Variants in ADAMTSL1 observed in about 807,000 individuals in gnomAD.
ADAMTSL1 encodes ADAMTS like 1, also known as ADAMTS-like protein 1.
In ADAMTSL1, 126 loss-of-function variants were observed where a neutral mutation model predicts 201.8. The observed-to-expected ratio is 0.62, with a 90% CI of 0.54 to 0.72. The LOEUF (loss-of-function observed/expected upper bound fraction) is 0.72, where lower values mean the gene tolerates loss of function less well. ADAMTSL1 is among the 30% of genes least tolerant of loss of function. The pLI is 0.00. For synonymous variants in ADAMTSL1, 1,121 were observed against 903.4 expected (o/e 1.24, Z -4.32); for missense variants, 2,679 against 2,277.8 (o/e 1.18, Z -3.59).
intron 1 of ADAMTSL1, among the ~76,000 whole-genome samples, chr9:17,907,627 G>A (rs1414173809): frequency 6.6e-6 from 1 of 152,198 alleles, no homozygotes; most frequent in Non-Finnish European, 1.5e-5. Flanking sequence ...GGAAATTCAG[G>A]CCCTGAGGCG....
intron 19 of ADAMTSL1, among the ~76,000 whole-genome samples, chr9:18,789,598 A>G (rs1029287784): frequency 1.3e-5 from 2 of 152,226 alleles, no homozygotes; most frequent in Non-Finnish European, 2.9e-5. Context: ...TATGAATGAG[A>G]TAATAATTTA....
intron 1 of ADAMTSL1, among the ~76,000 whole-genome samples, chr9:17,930,885 G>A (rs556877381): frequency 1.3e-5 from 2 of 152,208 alleles, no homozygotes; most frequent in African/African-American, 2.4e-5. Flanking sequence ...CATAATATGC[G>A]CTGATTAGTA....
chr9:18,791,193 C>T (rs1362784405), intron 19 of ADAMTSL1, among the ~76,000 whole-genome samples: 1 of 152,158 alleles, frequency 6.6e-6, no homozygotes, highest in Admixed American at 6.5e-5. Context: ...AGCAAGCCTC[C>T]GTCTCTGCAG....
intron 14 of ADAMTSL1, among the ~76,000 whole-genome samples, chr9:18,707,622 G>A (rs997670417): frequency 3.9e-5 from 6 of 152,232 alleles, no homozygotes; most frequent in Admixed American, 1.3e-4. Flanking sequence ...AAAGTGATTT[G>A]TTCAAGATCA....
intron 2 of ADAMTSL1, among the ~76,000 whole-genome samples, chr9:18,347,904 G>T (rs1385328956): frequency 6.6e-6 from 1 of 152,132 alleles, no homozygotes; most frequent in Admixed American, 6.6e-5. Flanking sequence ...AGTGCCAAGG[G>T]CCTTGTGTTT....
chr9:18,276,112 A>C (rs1045830452), intron 2 of ADAMTSL1, among the ~76,000 whole-genome samples: 11 of 151,312 alleles, frequency 7.3e-5, no homozygotes, highest in Non-Finnish European at 1.5e-4. Context: ...CTGATACCCA[A>C]CTGTGCTTAT....
rs755623921 is a variant in ADAMTSL1 at position 18,639,327 on chromosome 9, C to A, written c.750C>A (p.Asp250Glu). 6.2e-7 allele frequency: 1 copy of A among 1,613,010 alleles called. No homozygotes were observed. Among genetic ancestry groups the A allele is most frequent in the South Asian group, 1.1e-5 (1 of 91,024 alleles). The change falls in exon 7 of 29, where the codon GAC becomes GAA. Residue 250 changes from aspartate to glutamate, a missense_variant. Physicochemically the swap from Asp to Glu is conservative, Grantham distance 45. Transcript: ENST00000380548. ...GCTCCACAGGAACTTTCCTTGTGGA[C>A]AATTCTAGTGTGGACTTCCAGAAAT... is the stretch of plus-strand genomic sequence containing the variant. ...SLSSTGTFLVDNSSVDFQKFP... is the reference protein window; with the variant it reads ...SLSSTGTFLVENSSVDFQKFP...
intron 2 of ADAMTSL1, among the ~76,000 whole-genome samples, chr9:18,217,404 T>G (rs1830093449): frequency 6.6e-6 from 1 of 152,084 alleles, no homozygotes; most frequent in African/African-American, 2.4e-5. Flanking sequence ...GCCAAAGAAG[T>G]AGCATTACCC....
intron 21 of ADAMTSL1, among the ~76,000 whole-genome samples, chr9:18,819,607 C>A (rs576133302): frequency 4.6e-5 from 7 of 152,186 alleles, no homozygotes; most frequent in African/African-American, 1.7e-4. Flanking sequence ...ATTGTGCCGC[C>A]TAGGGCCCTC....
intron 2 of ADAMTSL1, among the ~76,000 whole-genome samples, chr9:18,216,587 A>G (rs921057142): frequency 2.6e-5 from 4 of 151,842 alleles, no homozygotes; most frequent in African/African-American, 4.8e-5. Context: ...TGGAGCCAGC[A>G]TAAGCCAGCC....
At position 18,534,408 on chromosome 9, in the gene ADAMTSL1, A is replaced by C. The variant is rs1342602176; in HGVS notation, c.237+1116A>C. 2.6e-5 allele frequency among the ~76,000 whole-genome samples: 4 copies of C among 152,182 alleles called. No individual in the cohort carries two copies. In the East Asian group the frequency reaches 7.7e-4, roughly 29 times the overall value. On this transcript the variant is annotated intron_variant, in intron 3 of 28. Transcript: ENST00000380548. ...AAGGAGGAGAACTTAAACCCAGAGG[A>C]AATACTAAATAGACACAAGAGAGAT... is the stretch of plus-strand genomic sequence containing the variant.
At chr9:17,931,046 C>T (rs943152033) in intron 1 of ADAMTSL1, among the ~76,000 whole-genome samples, 1 of 152,088 alleles carries the variant, frequency 6.6e-6, no homozygotes. Flanking sequence ...CAAATAAAAA[C>T]CAGTTCTCCA....
chr9:18,862,422 A>G (rs547958349), intron 23 of ADAMTSL1, among the ~76,000 whole-genome samples: 4 of 152,268 alleles, frequency 2.6e-5, no homozygotes, highest in South Asian at 4.1e-4. Context: ...GAGAACAGCT[A>G]TATCACTCAA....
At chr9:18,229,614 CT>C (rs1291093347) in intron 2 of ADAMTSL1, among the ~76,000 whole-genome samples, 2 of 152,048 alleles carry the variant, frequency 1.3e-5, no homozygotes, top group Admixed American at 1.3e-4. Context: ...AAAAATTAGA[CT>C]TAAAAAAGCT....
chr9:17,960,429 A>C (rs1040281136), intron 1 of ADAMTSL1, among the ~76,000 whole-genome samples: 9 of 152,224 alleles, frequency 5.9e-5, no homozygotes, highest in Non-Finnish European at 1.0e-4. Flanking sequence ...TACAAGGAAT[A>C]ACTAGCATCT....
chr9:18,878,620 C>A (rs766727221), intron 23 of ADAMTSL1, among the ~76,000 whole-genome samples: 8 of 152,232 alleles, frequency 5.3e-5, no homozygotes, highest in Non-Finnish European at 1.2e-4. Flanking sequence ...ACACTTTGGG[C>A]ACTCCCAGTT....
intron 4 of ADAMTSL1, among the ~76,000 whole-genome samples, chr9:18,607,334 G>A (rs1825085005): frequency 6.6e-6 from 1 of 152,150 alleles, no homozygotes; most frequent in African/African-American, 2.4e-5. Flanking sequence ...TGAAACAACT[G>A]TTGAAAACCA....
chr9:18,636,463 A>G (rs1053014676), intron 6 of ADAMTSL1, among the ~76,000 whole-genome samples: 1 of 152,152 alleles, frequency 6.6e-6, no homozygotes, highest in Non-Finnish European at 1.5e-5. Context: ...TAGAAACACC[A>G]AACAACCTTA....
At position 18,680,687 on chromosome 9, in the gene ADAMTSL1, T is replaced by C. The variant is rs1413455363; in HGVS notation, c.1341+171T>C. Reference sequence around the variant, plus strand: ...GCCCCAAATCCAGCATGACCAAAAGTAAATGATGTTTTTTTAAAGTGTCTT... The same window carrying C: ...GCCCCAAATCCAGCATGACCAAAAGCAAATGATGTTTTTTTAAAGTGTCTT... On this transcript the variant is annotated intron_variant, in intron 11 of 28. Transcript: ENST00000380548. The C allele has an allele frequency of 3.9e-5, 25 of 646,068 alleles. 1 individual carries two copies. The South Asian group carries it at 5.1e-4, about 13-fold the overall frequency. 40.0% of individuals were successfully genotyped at this position (646,068 alleles called of 1,614,324 possible). A position where few individuals can be genotyped will look rare whatever the true frequency, so the allele number is the denominator to read the frequency against.
Sources: gnomAD v4.1 joint callset for allele counts (sites outside exome capture counted in the v4.1 genomes callset) on GRCh38, gnomAD v4.1.1 for gene constraint, MANE v1.5 for transcripts, NCBI Gene and HGNC (gene_info 2026-07-23, HGNC 2026-07-21) for gene names.